SYN3: variants seen among roughly 807,000 people sequenced by gnomAD.
The protein encoded by SYN3 is synapsin III.
SYN3 carries 35 observed loss-of-function variants against 65.8 expected under a neutral mutation model. That is an observed-to-expected ratio of 0.53 (90% CI 0.41 to 0.70). The LOEUF (loss-of-function observed/expected upper bound fraction) is 0.70. SYN3 is among the 30% of genes least tolerant of loss of function. The probability of loss-of-function intolerance (pLI) is 0.00; values close to 1 mark genes in which losing one functional copy is unlikely to be tolerated. For synonymous variants in SYN3, 270 were observed against 292.9 expected, an observed-to-expected ratio of 0.92 and a Z score of 0.80; for missense variants, 680 against 749.0, an observed-to-expected ratio of 0.91 and a Z score of 1.08.
At chr22:32,815,415 A>G (rs1204487749) in intron 6 of SYN3, among the ~76,000 whole-genome samples, 1 of 152,248 alleles carries the variant, frequency 6.6e-6, no homozygotes, top group Admixed American at 6.5e-5. Context: ...TGGAACAAAA[A>G]TAATAACCAT....
intron 1 of SYN3, among the ~76,000 whole-genome samples, chr22:33,017,624 G>C (rs1488374415): frequency 6.6e-6 from 1 of 152,004 alleles, no homozygotes; most frequent in African/African-American, 2.4e-5. Context: ...TCATTTTTTG[G>C]TGCTATTGTG....
chr22:33,019,731 C>T lies in SYN3; in HGVS notation c.-162-12907G>A, dbSNP rs1049454667. Among the ~76,000 whole-genome samples, 15 of 152,214 alleles carry T rather than the reference C, an allele frequency of 9.9e-5. 1 individual carries two copies. Among genetic ancestry groups the T allele is most frequent in the East Asian group, 3.9e-4 (2 of 5,182 alleles). On this transcript the variant is annotated intron_variant, in intron 1 of 13. Coordinates refer to ENST00000358763, the MANE Select transcript of SYN3 (RefSeq NM_003490.4). The stretch of plus-strand genomic sequence containing the variant: ...GCGATCTTGGCTCACTGCATCCTCC[C>T]GCCTCAGCCCCACAAGTAGCTGGGA...
chr22:32,668,691 T>G (rs2147052157), intron 6 of SYN3, among the ~76,000 whole-genome samples: 1 of 152,294 alleles, frequency 6.6e-6, no homozygotes, highest in African/African-American at 2.4e-5. Context: ...TGCCCAAATG[T>G]AATGCATGCT....
rs555269554 is a variant in SYN3, at chr22:32,541,816, A to G, written c.775-103T>C. The G allele has an allele frequency of 1.8e-4, 241 of 1,369,876 alleles. 1 individual carries two copies. The African/African-American group carries it at 3.3e-3, about 19-fold the overall frequency. 84.9% of individuals were successfully genotyped at this position (1,369,876 alleles called of 1,614,324 possible). A position where few individuals can be genotyped will look rare whatever the true frequency, so the allele number is the denominator to read the frequency against. On this transcript the variant is annotated intron_variant, in intron 7 of 13. Transcript: ENST00000358763. Reference sequence around the variant, plus strand: ...CTGTCTATAGACACGAATTCCCTTCAGAAGGTCACCTGCTGGCAGGGGAGA... The same window carrying G: ...CTGTCTATAGACACGAATTCCCTTCGGAAGGTCACCTGCTGGCAGGGGAGA...
At chr22:32,692,987 C>T (rs934014922) in intron 6 of SYN3, among the ~76,000 whole-genome samples, 14 of 152,160 alleles carry the variant, frequency 9.2e-5, no homozygotes, top group Admixed American at 3.9e-4. Context: ...TACATAAGGA[C>T]GGCTGGATGT....
chr22:32,662,914 A>G (rs973711287), intron 6 of SYN3, among the ~76,000 whole-genome samples: 8 of 152,238 alleles, frequency 5.3e-5, no homozygotes, highest in Non-Finnish European at 1.2e-4. Context: ...GAGGAAGACA[A>G]TCACTTTCTG....
At chr22:32,721,497 A>G (rs1478191563) in intron 6 of SYN3, among the ~76,000 whole-genome samples, 1 of 152,206 alleles carries the variant, frequency 6.6e-6, no homozygotes, top group Non-Finnish European at 1.5e-5. Flanking sequence ...AAATGTGAGA[A>G]CAAAGAGAAT....
intron 6 of SYN3, among the ~76,000 whole-genome samples, chr22:32,742,293 A>G (rs561187452): frequency 1.3e-4 from 19 of 151,352 alleles, no homozygotes; most frequent in African/African-American, 4.4e-4. Flanking sequence ...AAATAAATAA[A>G]TAAGTAAATA....
intron 6 of SYN3, among the ~76,000 whole-genome samples, chr22:32,742,127 T>C (rs1304710909): frequency 6.6e-6 from 1 of 151,840 alleles, no homozygotes; most frequent in Non-Finnish European, 1.5e-5. Context: ...TACAAAAAAA[T>C]TAGCCGGGCA....
At chr22:32,925,258 C>G (rs1486429987) in intron 4 of SYN3, among the ~76,000 whole-genome samples, 1 of 152,122 alleles carries the variant, frequency 6.6e-6, no homozygotes, top group Non-Finnish European at 1.5e-5. Flanking sequence ...CTAAATTTCC[C>G]TCTTCTTATA....
At chr22:32,824,147 G>C (rs117418375) in intron 6 of SYN3, among the ~76,000 whole-genome samples, 5 of 151,710 alleles carry the variant, frequency 3.3e-5, no homozygotes, top group Non-Finnish European at 5.9e-5. Context: ...GTGTGGTGGC[G>C]CACATCTGAA....
chr22:32,625,660 A>G (rs1274840127), intron 6 of SYN3, among the ~76,000 whole-genome samples: 1 of 152,186 alleles, frequency 6.6e-6, no homozygotes, highest in Non-Finnish European at 1.5e-5. Context: ...TTGGTTGACC[A>G]CCTGGCTGTG....
chr22:32,959,101 T>C (rs1286207668), intron 3 of SYN3, among the ~76,000 whole-genome samples: 1 of 152,090 alleles, frequency 6.6e-6, no homozygotes, highest in Non-Finnish European at 1.5e-5. Flanking sequence ...TCTAGAATTG[T>C]ACTCCCACAA....
intron 4 of SYN3, among the ~76,000 whole-genome samples, chr22:32,878,869 G>A (rs1378276738): frequency 1.3e-5 from 2 of 152,190 alleles, no homozygotes; most frequent in Admixed American, 6.5e-5. Flanking sequence ...ATGGGGCCCA[G>A]TCTAAGGTCT....
chr22:32,967,118 C>T (rs2051870387), intron 3 of SYN3, among the ~76,000 whole-genome samples: 2 of 152,068 alleles, frequency 1.3e-5, no homozygotes, highest in South Asian at 2.1e-4. Context: ...AAATGCTTAG[C>T]GTGTGCCTGA....
At position 32,801,115 on chromosome 22, in the gene SYN3, A is replaced by G. The variant is rs1402031262; in HGVS notation, c.711+63800T>C. ...AGCACAGAAAACAGTCTTCTATCAT[A>G]TATCATAGCCAGCTGCAAACAGCAG... On this transcript the variant is annotated intron_variant, in intron 6 of 13. Transcript: ENST00000358763. The surrounding 1 kb of genome is among the most constrained non-coding windows in gnomAD (Gnocchi z 4.7). Among the ~76,000 whole-genome samples the G allele has an allele frequency of 1.3e-5, 2 of 152,184 alleles. No homozygotes were observed. Among genetic ancestry groups the G allele is most frequent in the East Asian group, 1.9e-4 (1 of 5,196 alleles).
chr22:33,043,914 G>A (rs149468505), intron 1 of SYN3, among the ~76,000 whole-genome samples: 1,942 of 152,196 alleles, frequency 0.013, 17 homozygotes, highest in Middle Eastern at 0.017. Flanking sequence ...TTAGCTGGGC[G>A]TGGTGGTATG....
At chr22:32,550,983 T>C (rs192255182) in intron 7 of SYN3, among the ~76,000 whole-genome samples, 50 of 152,294 alleles carry the variant, frequency 3.3e-4, no homozygotes, top group Admixed American at 3.3e-3. Flanking sequence ...ATACATCAAA[T>C]TGTTAATAAC....
intron 4 of SYN3, among the ~76,000 whole-genome samples, chr22:32,870,602 A>G (rs1016563224): frequency 2.0e-5 from 3 of 152,198 alleles, no homozygotes; most frequent in African/African-American, 7.2e-5. Context: ...ATACCCAAAA[A>G]AAGTTCCCTT....
Sources: allele counts gnomAD v4.1 joint callset (sites outside exome capture counted in the v4.1 genomes callset), GRCh38; gene constraint gnomAD v4.1.1; non-coding constraint Gnocchi (gnomAD v3.1); transcripts MANE v1.5; gene names NCBI Gene and HGNC (gene_info 2026-07-23, HGNC 2026-07-21).